The following SBF2 variants were observed in gnomAD, a reference collection of about 807,000 sequenced individuals.
SBF2 encodes the protein SET binding factor 2, also known as myotubularin-related protein 13.
Under a neutral mutation model 225.2 loss-of-function variants are expected in SBF2, and 112 were observed. The ratio of observed to expected loss-of-function variants is 0.50; its 90% CI spans 0.43 to 0.58. The LOEUF is 0.58. Among genes scored for constraint, SBF2 ranks in the 20% least tolerant of loss-of-function variants. SBF2 has a pLI of 0.00. For missense variants in SBF2, 1,996 were observed against 2,206.2 expected (o/e 0.90, Z 1.91); for synonymous variants, 763 against 773.3 (o/e 0.99, Z 0.22).
intron 1 of SBF2, among the ~76,000 whole-genome samples, chr11:10,216,568 G>T (rs1469407763): frequency 1.3e-5 from 2 of 152,168 alleles, no homozygotes; most frequent in Non-Finnish European, 2.9e-5. Flanking sequence ...ACTTCTAAAA[G>T]GATTAAAAAG....
chr11:9,942,907 G>GA (rs753146915), intron 16 of SBF2, among the ~76,000 whole-genome samples: 1 of 45,620 alleles, frequency 2.2e-5, no homozygotes, highest in Non-Finnish European at 6.7e-5. Context: ...GAGAGAGAAA[G>GA]AAAGAAAGAA....
At chr11:10,013,189 A>G (rs997778321) in intron 6 of SBF2, among the ~76,000 whole-genome samples, 1 of 152,328 alleles carries the variant, frequency 6.6e-6, no homozygotes, top group East Asian at 1.9e-4. Context: ...ACTAGCCCCA[A>G]CTATGACTGT....
chr11:9,930,343 T>C lies in SBF2; in HGVS notation c.1860+31614A>G, dbSNP rs192824223. Among the ~76,000 whole-genome samples, 276 of 152,206 alleles carry C rather than the reference T, an allele frequency of 1.8e-3. 1 individual carries two copies. The highest frequency in any genetic ancestry group is 1.9e-3 in the Non-Finnish European group (129 of 68,016). On this transcript the variant is annotated intron_variant, in intron 16 of 39. Transcript: ENST00000256190. ...ACTACATACATCAAAATAATGATGC[T>C]GAGTAAAAGAAGCCAGACCAAAAAA... is the stretch of plus-strand genomic sequence containing the variant.
At chr11:10,216,721 C>T (rs957668946) in intron 1 of SBF2, among the ~76,000 whole-genome samples, 1 of 151,798 alleles carries the variant, frequency 6.6e-6, no homozygotes, top group African/African-American at 2.4e-5. Context: ...AATACAAAAA[C>T]TAGCCGGGTG....
At chr11:10,032,910 A>G (rs573406016) in intron 3 of SBF2, among the ~76,000 whole-genome samples, 1 of 152,330 alleles carries the variant, frequency 6.6e-6, no homozygotes, top group Non-Finnish European at 1.5e-5. Flanking sequence ...ATAGAGGCCA[A>G]TAATTATATT....
chr11:9,895,309 A>G (rs1861155693), intron 17 of SBF2, among the ~76,000 whole-genome samples: 1 of 152,222 alleles, frequency 6.6e-6, no homozygotes, highest in Admixed American at 6.5e-5. Flanking sequence ...CATATTTCAG[A>G]AGGATGTATT....
At chr11:10,153,823 G>T (rs2135181458) in intron 2 of SBF2, among the ~76,000 whole-genome samples, 1 of 152,184 alleles carries the variant, frequency 6.6e-6, no homozygotes, top group East Asian at 1.9e-4. Flanking sequence ...TTAGGTCTAT[G>T]ATTTATTTGG....
chr11:10,302,076 G>A lies in SBF2; in HGVS notation n.386+2416C>T, dbSNP rs114702116. Among the ~76,000 whole-genome samples, 896 of 151,816 alleles carry A rather than the reference G, an allele frequency of 5.9e-3. 14 individuals are homozygous for A. Among genetic ancestry groups the A allele is most frequent in the African/African-American group, 0.02 (812 of 41,364 alleles). ...CTTCCTTGTACTGTCCTTGCTCAAC[G>A]TGAATCTACAATCACTGCCACTTGA... On this transcript the variant is annotated intron_variant and non_coding_transcript_variant, in intron 1 of 5. Coordinates refer to the SBF2 transcript ENST00000685217.
At chr11:9,997,089 G>T (rs1947737048) in intron 9 of SBF2, among the ~76,000 whole-genome samples, 1 of 152,148 alleles carries the variant, frequency 6.6e-6, no homozygotes, top group Admixed American at 6.5e-5. Flanking sequence ...ATACCACCAT[G>T]ATAACAAAAA....
chr11:9,842,733 C>T lies in SBF2; in HGVS notation c.3148G>A (p.Ala1050Thr), dbSNP rs772476606. 1 of 1,614,142 alleles carries T rather than the reference C, an allele frequency of 6.2e-7. No individual in the cohort carries two copies. The highest frequency in any genetic ancestry group is 8.5e-7 in the Non-Finnish European group (1 of 1,180,022). Residue 1050 changes from alanine (A) to threonine (T), a missense_variant, in exon 25 of 40, where the codon GCA becomes ACA. Coordinates refer to ENST00000256190, the MANE Select transcript of SBF2 (RefSeq NM_030962.4). ...TGCCGCCCAATTGTCATTTTCCCTG[C>T]CCTTTTGGCACCTTTCACAATTGTT... ...SKTIVKGAKR[A>T]GKMTIGRQYL...
chr11:9,819,756 C>G (rs578170684), intron 28 of SBF2, among the ~76,000 whole-genome samples: 1 of 152,290 alleles, frequency 6.6e-6, no homozygotes, highest in Admixed American at 6.5e-5. Flanking sequence ...GTTCTTTGAG[C>G]AAGGTCATCA....
intron 2 of SBF2, among the ~76,000 whole-genome samples, chr11:10,161,903 T>G (rs1287119964): frequency 6.6e-6 from 1 of 152,304 alleles, no homozygotes; most frequent in South Asian, 2.1e-4. Context: ...CAAGAGTGCT[T>G]GAGCCCAAAA....
chr11:10,271,578 A>G (rs1802835), intron 1 of SBF2, among the ~76,000 whole-genome samples: 7,115 of 131,612 alleles, frequency 0.054, 240 homozygotes, highest in African/African-American at 0.18. Context: ...GTCTTCATTT[A>G]GGAATTATAA....
chr11:10,202,353 T>C (rs1164167185), intron 1 of SBF2, among the ~76,000 whole-genome samples: 1 of 152,234 alleles, frequency 6.6e-6, no homozygotes, highest in Non-Finnish European at 1.5e-5. Context: ...ATCATCTCCC[T>C]GCTTCCTGTT....
chr11:10,112,984 T>C (rs999668253), intron 2 of SBF2, among the ~76,000 whole-genome samples: 4 of 152,168 alleles, frequency 2.6e-5, no homozygotes, highest in Admixed American at 2.0e-4. Flanking sequence ...GAGATCATTC[T>C]CTTATTTTAT....
At chr11:10,207,384 G>A (rs909917981) in intron 1 of SBF2, among the ~76,000 whole-genome samples, 10 of 152,102 alleles carry the variant, frequency 6.6e-5, no homozygotes, top group African/African-American at 2.4e-4. Context: ...CAATACCGGA[G>A]CATCAGTGGC....
At chr11:10,078,171 C>T (rs762947041) in intron 2 of SBF2, among the ~76,000 whole-genome samples, 6 of 151,930 alleles carry the variant, frequency 3.9e-5, no homozygotes, top group Non-Finnish European at 8.8e-5. Context: ...GAAATAGAAA[C>T]GCTTTTACAC....
chr11:10,272,166 C>T, intron 1 of SBF2: 1 of 1,131,714 alleles, frequency 8.8e-7, no homozygotes, highest in Admixed American at 2.3e-5. Context: ...AGCTCTGCAG[C>T]TGCCTGAGAG....
intron 36 of SBF2, among the ~76,000 whole-genome samples, chr11:9,787,323 C>T (rs1852439578): frequency 6.6e-6 from 1 of 152,214 alleles, no homozygotes; most frequent in South Asian, 2.1e-4. Context: ...GCATTCCCCT[C>T]CTGCCTTATG....
Sources: allele counts gnomAD v4.1 joint callset (sites outside exome capture counted in the v4.1 genomes callset), GRCh38; gene constraint gnomAD v4.1.1; transcripts MANE v1.5; gene names NCBI Gene and HGNC (gene_info 2026-07-23, HGNC 2026-07-21).